NDRG2: variants seen among roughly 807,000 people sequenced by gnomAD.
The protein encoded by NDRG2 is NDRG family member 2.
Under a neutral mutation model 58.2 loss-of-function variants are expected in NDRG2, and 34 were observed. The ratio of observed to expected loss-of-function variants is 0.58; its 90% CI spans 0.44 to 0.78. The LOEUF (loss-of-function observed/expected upper bound fraction) is 0.78, where lower values mean the gene tolerates loss of function less well. NDRG2 is among the 30% of genes least tolerant of loss of function. The pLI, the probability that NDRG2 is intolerant of heterozygous loss-of-function variation, is 0.00. For missense variants in NDRG2, 434 were observed against 471.2 expected (o/e 0.92, Z 0.73); for synonymous variants, 187 against 175.9 (o/e 1.06, Z -0.50).
chr14:21,041,453 A>G (rs564198998), intron 1 of NDRG2, among the ~76,000 whole-genome samples: 3 of 152,152 alleles, frequency 2.0e-5, no homozygotes, highest in African/African-American at 7.2e-5. Context: ...TCCTCATCTC[A>G]GTTTTACAGG....
chr14:21,064,043 A>G (rs1369700119), intron 1 of NDRG2, among the ~76,000 whole-genome samples: 1 of 152,178 alleles, frequency 6.6e-6, no homozygotes, highest in African/African-American at 2.4e-5. Flanking sequence ...TTAATATTTT[A>G]AGAGTGTTTC....
intron 1 of NDRG2, among the ~76,000 whole-genome samples, chr14:21,060,974 TG>T (rs1177878872): frequency 2.0e-5 from 3 of 152,206 alleles, no homozygotes; most frequent in African/African-American, 7.2e-5. Flanking sequence ...ATTACGGCCT[TG>T]GAGGGGGCCG....
At chr14:21,037,991 A>G (rs1302781527) in intron 1 of NDRG2, among the ~76,000 whole-genome samples, 2 of 152,224 alleles carry the variant, frequency 1.3e-5, no homozygotes, top group Non-Finnish European at 2.9e-5. Context: ...TGGGCTCACC[A>G]TGATCTCATT....
intron 1 of NDRG2, chr14:21,058,516 C>T (rs1425366661): frequency 1.1e-5 from 7 of 610,380 alleles, no homozygotes; most frequent in African/African-American, 5.6e-5. Flanking sequence ...GTTTTACAGA[C>T]GCTCCAAACG....
intron 14 of NDRG2, 46 bp from the exon 15 acceptor site, chr14:21,018,084 AG>A (rs1375218928): frequency 1.9e-6 from 3 of 1,608,184 alleles, no homozygotes; most frequent in Admixed American, 3.3e-5. Context: ...ATGAGGTTAG[AG>A]GAAGAGCTGG....
intron 1 of NDRG2, among the ~76,000 whole-genome samples, chr14:21,050,259 A>G (rs1283192835): frequency 6.6e-6 from 1 of 152,228 alleles, no homozygotes; most frequent in East Asian, 1.9e-4. Flanking sequence ...AAAAAACAGT[A>G]CATGAGGAAT....
chr14:21,070,379 G>T lies in NDRG2; in HGVS notation c.24+449C>A. 7.1e-7 allele frequency: 1 copy of T among 1,404,964 alleles called. No individual in the cohort carries two copies. The allele number at this position is 1,404,964 out of a possible 1,614,324, so 87.0% of individuals were successfully genotyped here. On this transcript the variant is annotated intron_variant, in intron 1 of 14. Transcript: ENST00000403829. The surrounding 1 kb of genome is among the most constrained non-coding windows in gnomAD (Gnocchi z 4.7). ...CCGCCCGCCCGACCAAGCGTCGGAC[G>T]CGGCCCGGCGCCGAGCCATGGTGAG...
rs1393160610 is a variant in NDRG2 at position 21,063,300 on chromosome 14, G to A, written c.24+7528C>T. ...AAGTAAAGTTCTGTTAATGGAATTA[G>A]GAGTGCTATATTCCGCCAATTACAG... On this transcript the variant is annotated intron_variant, in intron 1 of 14. Coordinates refer to the NDRG2 transcript ENST00000403829. Among the ~76,000 whole-genome samples, 3 of 152,264 alleles carry A rather than the reference G, an allele frequency of 2.0e-5. No homozygotes were observed. The East Asian group carries it at 5.8e-4, about 29-fold the overall frequency.
chr14:21,054,507 C>T (rs1885595165), intron 1 of NDRG2, among the ~76,000 whole-genome samples: 2 of 152,188 alleles, frequency 1.3e-5, no homozygotes, highest in Admixed American at 1.3e-4. Flanking sequence ...TGACTCTTAG[C>T]CCACAAGAGG....
At chr14:21,035,013 T>C (rs545591329) in intron 1 of NDRG2, among the ~76,000 whole-genome samples, 5 of 152,234 alleles carry the variant, frequency 3.3e-5, no homozygotes, top group African/African-American at 9.6e-5. Flanking sequence ...AAAGCACTGT[T>C]ATGTTTCTGA....
chr14:21,048,288 C>G (rs1958393), intron 1 of NDRG2: 13,163 of 152,068 alleles, frequency 0.087, 756 homozygotes, highest in Admixed American at 0.18. Flanking sequence ...AACCAGTAAG[C>G]TTGGGAACAT....
intron 1 of NDRG2, among the ~76,000 whole-genome samples, chr14:21,035,463 A>T (rs1884559030): frequency 6.6e-6 from 1 of 152,212 alleles, no homozygotes; most frequent in Non-Finnish European, 1.5e-5. Context: ...TCAAAGAGCC[A>T]GCTCCCTGGA....
At position 21,033,850 on chromosome 14, in the gene NDRG2, T is replaced by C. The variant is rs768361347; in HGVS notation, c.25-10529A>G. 6 of 1,613,348 alleles carry C rather than the reference T, an allele frequency of 3.7e-6. 1 individual carries two copies. The highest frequency in any genetic ancestry group is 3.3e-5 in the Admixed American group (2 of 59,984). On this transcript the variant is annotated intron_variant, in intron 1 of 14. Coordinates refer to the NDRG2 transcript ENST00000403829. Reference sequence around the variant, plus strand: ...CCCGAATAGAGACCAGCGATACCTATTGGATCAGCTTCATACTTGCGGGAG... The same window carrying C: ...CCCGAATAGAGACCAGCGATACCTACTGGATCAGCTTCATACTTGCGGGAG...
chr14:21,040,875 T>C (rs1384024767), intron 1 of NDRG2, among the ~76,000 whole-genome samples: 1 of 152,246 alleles, frequency 6.6e-6, no homozygotes, highest in Non-Finnish European at 1.5e-5. Flanking sequence ...CTTTTTTCCC[T>C]AGCCATTATC....
rs78315193 is a variant in NDRG2 at position 21,033,265 on chromosome 14, A to G, written c.25-9944T>C. Reference sequence around the variant, plus strand: ...AGGGAGAAACCATGATTTCACAGAGAGAAGCAGGCTGGAAACTGGGGGTTG... The same window carrying G: ...AGGGAGAAACCATGATTTCACAGAGGGAAGCAGGCTGGAAACTGGGGGTTG... On this transcript the variant is annotated intron_variant, in intron 1 of 14. Transcript: ENST00000403829. 2.3e-3 allele frequency: 721 copies of G among 316,548 alleles called. 9 individuals are homozygous for G. The highest frequency in any genetic ancestry group is 0.015 in the African/African-American group (665 of 45,034). 19.6% of individuals were successfully genotyped at this position (316,548 alleles called of 1,614,324 possible). A position where few individuals can be genotyped will look rare whatever the true frequency, so the allele number is the denominator to read the frequency against.
chr14:21,056,614 T>C (rs1395504020), intron 1 of NDRG2, among the ~76,000 whole-genome samples: 1 of 152,100 alleles, frequency 6.6e-6, no homozygotes, highest in Non-Finnish European at 1.5e-5. Flanking sequence ...TCTGAAGAAA[T>C]TAAGGCAATG....
intron 7 of NDRG2, 78 bp downstream of exon 7, chr14:21,020,706 C>A: frequency 1.3e-6 from 2 of 1,597,748 alleles, no homozygotes; most frequent in Non-Finnish European, 1.7e-6. Flanking sequence ...ACTTCCTCCC[C>A]CAAACAGCAC....
chr14:21,022,121 A>G lies in NDRG2; in HGVS notation c.285T>C (p.Phe95=). Residue 95 remains phenylalanine, a synonymous_variant, in exon 5 of 16, where the codon TTT becomes TTC. Coordinates refer to ENST00000556147, the MANE Select transcript of NDRG2 (RefSeq NM_001320329.2). ...FEDMQEIIQN[F]VRVHVDAPGM... ...CAGGGGCATCCACATGAACCCGCAC[A>G]AAGTTCTGAATGATTTCCTGCATGT... 1 of 1,614,142 alleles carries G rather than the reference A, an allele frequency of 6.2e-7. No homozygotes were observed. Among genetic ancestry groups the G allele is most frequent in the South Asian group, 1.1e-5 (1 of 91,078 alleles).
At chr14:21,065,503 A>G (rs1475056101) in intron 1 of NDRG2, among the ~76,000 whole-genome samples, 1 of 152,218 alleles carries the variant, frequency 6.6e-6, no homozygotes, top group African/African-American at 2.4e-5. Context: ...TTTAAATTAT[A>G]TGTGGTAGAA....
Sources: gnomAD v4.1 joint callset for allele counts (sites outside exome capture counted in the v4.1 genomes callset) on GRCh38, gnomAD v4.1.1 for gene constraint, Gnocchi (gnomAD v3.1) non-coding constraint, MANE v1.5 for transcripts, NCBI Gene and HGNC (gene_info 2026-07-23, HGNC 2026-07-21) for gene names.